The following SEC62 variants were observed in gnomAD, a reference collection of about 807,000 sequenced individuals.
SEC62 encodes SEC62 preprotein translocation factor.
SEC62 carries 10 observed loss-of-function variants against 47.5 expected under a neutral mutation model. The ratio of observed to expected loss-of-function variants is 0.21; its 90% confidence interval spans 0.13 to 0.36. SEC62 has a LOEUF of 0.36. Among genes scored for constraint, SEC62 ranks in the 10% least tolerant of loss-of-function variants. SEC62 has a pLI of 1.00. For synonymous variants in SEC62, 136 were observed against 150.5 expected (o/e 0.90, Z 0.71); for missense variants, 327 against 464.1 (o/e 0.70, Z 2.71).
chr3:169,979,443 C>T (rs1300058957), intron 3 of SEC62, among the ~76,000 whole-genome samples: 1 of 152,174 alleles, frequency 6.6e-6, no homozygotes, highest in East Asian at 1.9e-4. Flanking sequence ...GTGATCTATA[C>T]CTTTTTATGG....
chr3:169,981,627 A>T (rs1427814891), intron 3 of SEC62, among the ~76,000 whole-genome samples: 1 of 152,218 alleles, frequency 6.6e-6, no homozygotes, highest in Non-Finnish European at 1.5e-5. Context: ...TGAGATTTGA[A>T]AAAGTGACTT....
intron 6 of SEC62, among the ~76,000 whole-genome samples, chr3:169,986,800 T>A (rs1213765592): frequency 6.6e-6 from 1 of 152,124 alleles, no homozygotes; most frequent in African/African-American, 2.4e-5. Flanking sequence ...CAATCATGGC[T>A]CACTGCAGCC....
intron 1 of SEC62, among the ~76,000 whole-genome samples, chr3:169,972,477 T>C (rs1038338412): frequency 1.3e-5 from 2 of 152,130 alleles, no homozygotes; most frequent in Non-Finnish European, 2.9e-5. Flanking sequence ...TGCAGTGGCA[T>C]GATCTTGGTT....
intron 4 of SEC62, 88 bp from the exon 5 acceptor site, chr3:169,983,073 A>G (rs1715019867): frequency 3.4e-6 from 5 of 1,452,292 alleles, no homozygotes; most frequent in South Asian, 1.3e-5. Context: ...CTGTGTTACA[A>G]ATAGTCAGTG....
Position 169,992,604 on chromosome 3 carries a change from T to C in SEC62, c.741T>C (p.Ile247=), listed in dbSNP as rs951688598. The change falls in exon 8 of 8, where the codon ATT becomes ATC. Residue 247 remains isoleucine (I), a synonymous_variant. Transcript: ENST00000337002. The surrounding 1 kb of genome is among the most constrained non-coding windows in gnomAD (Gnocchi z 4.0). ...TTTTTCTCCCCACAGCTCGATGCAT[T>C]CTATTTCTCATCATTTGGCTCATAA... ...SILLLAVARC[I]LFLIIWLITG... The C allele has an allele frequency of 8.7e-6, 14 of 1,612,710 alleles. No individual in the cohort carries two copies. Among genetic ancestry groups the C allele is most frequent in the Non-Finnish European group, 1.2e-5 (14 of 1,179,582 alleles).
chr3:169,986,996 T>G (rs1027393562), intron 6 of SEC62, among the ~76,000 whole-genome samples: 1 of 152,036 alleles, frequency 6.6e-6, no homozygotes, highest in Non-Finnish European at 1.5e-5. Flanking sequence ...GGGTTTGATT[T>G]GTTTTTGATT....
At chr3:169,978,890 T>A (rs995301300) in intron 3 of SEC62, among the ~76,000 whole-genome samples, 3 of 152,222 alleles carry the variant, frequency 2.0e-5, no homozygotes, top group Non-Finnish European at 4.4e-5. Flanking sequence ...GATCTAGGGT[T>A]CTACATCTAG....
chr3:169,966,896 G>T (rs1714538332), intron 1 of SEC62, 38 bp downstream of exon 1: 12 of 1,548,794 alleles, frequency 7.7e-6, no homozygotes, highest in East Asian at 2.5e-5. Context: ...GCTTCGGCGC[G>T]CTGGATAGTG....
rs1164971666 is a variant in SEC62, at chr3:169,995,661, A to C, written c.*2598A>C. 6.6e-6 allele frequency: 1 copy of C among 152,126 alleles called. No homozygotes were observed. The highest frequency in any genetic ancestry group is 2.4e-5 in the African/African-American group (1 of 41,410). The allele number at this position is 152,126 out of a possible 1,614,324, so 9.4% of individuals were successfully genotyped here. Reference sequence around the variant, plus strand: ...AATCTATTAGGAACTGGAAAACAGCAAGTATGGTTGATTCTCATTATTCAA... The same window carrying C: ...AATCTATTAGGAACTGGAAAACAGCCAGTATGGTTGATTCTCATTATTCAA... On this transcript the variant is annotated 3_prime_UTR_variant, in exon 8 of 8. Transcript: ENST00000337002.
chr3:169,982,167 C>T (rs762482854), intron 3 of SEC62, among the ~76,000 whole-genome samples: 1 of 151,896 alleles, frequency 6.6e-6, no homozygotes, highest in African/African-American at 2.4e-5. Flanking sequence ...AAAATCTCAC[C>T]TTAGTATATT....
intron 1 of SEC62, chr3:169,968,554 A>G (rs1714613686): frequency 1.3e-5 from 2 of 151,728 alleles, no homozygotes; most frequent in East Asian, 1.9e-4. Context: ...AAAAAGCAAG[A>G]AAAAAGAAAA....
At position 169,992,483 on chromosome 3, in the gene SEC62, G is replaced by T. The variant is rs760205176; in HGVS notation, c.731-111G>T. 3 of 712,694 alleles carry T rather than the reference G, an allele frequency of 4.2e-6. No homozygotes were observed. Among genetic ancestry groups the T allele is most frequent in the African/African-American group, 3.6e-5 (2 of 56,050 alleles). 44.1% of individuals were successfully genotyped at this position (712,694 alleles called of 1,614,324 possible). On this transcript the variant is annotated intron_variant, in intron 7 of 7. Coordinates refer to ENST00000337002, the MANE Select transcript of SEC62 (RefSeq NM_003262.4). This position sits in a 1 kb window ranked among gnomAD's most constrained non-coding sequence, Gnocchi z 4.0. The stretch of plus-strand genomic sequence containing the variant: ...CAGGATTTAAATATTAATATTTAAG[G>T]TGTATGAAATGTGCAGATAATAAAA...
At position 169,982,688 on chromosome 3, in the gene SEC62, A is replaced by C. The variant is rs1375460410; in HGVS notation, c.252-19A>C. 6.2e-7 allele frequency: 1 copy of C among 1,603,576 alleles called. No homozygotes were observed. Among genetic ancestry groups the C allele is most frequent in the Non-Finnish European group, 8.5e-7 (1 of 1,173,316 alleles). ...CTATCTATATGGGGAGTGTAATGCC[A>C]TACCTGTTTTTCCCAAAGGCTTTTA... On this transcript the variant is annotated intron_variant, in intron 3 of 7. Transcript: ENST00000337002.
At chr3:169,988,806 A>G (rs752362793) in intron 7 of SEC62, among the ~76,000 whole-genome samples, 38 of 152,200 alleles carry the variant, frequency 2.5e-4, no homozygotes, top group Admixed American at 1.7e-3. Flanking sequence ...TTTAAAAATT[A>G]GTTATGGCAG....
intron 6 of SEC62, among the ~76,000 whole-genome samples, chr3:169,986,119 C>T (rs565333173): frequency 2.2e-4 from 33 of 152,190 alleles, no homozygotes; most frequent in African/African-American, 7.9e-4. Flanking sequence ...AATGACCAAT[C>T]ATCATGAGTG....
At chr3:169,976,374 G>GAA (rs5854361) in intron 2 of SEC62, among the ~76,000 whole-genome samples, 7 of 149,436 alleles carry the variant, frequency 4.7e-5, no homozygotes, top group Admixed American at 2.7e-4. Context: ...TCTCTTAGAA[G>GAA]AAAAAAAAAA....
intron 2 of SEC62, among the ~76,000 whole-genome samples, chr3:169,976,187 A>G (rs1173179083): frequency 6.6e-6 from 1 of 152,190 alleles, no homozygotes; most frequent in Non-Finnish European, 1.5e-5. Flanking sequence ...GCTTGAGGCC[A>G]GGAGTTCGAG....
rs1244451220 is a variant in SEC62, at chr3:169,992,585, TC to T, written c.731-5del. Reference sequence around the variant, plus strand: ...AATTACTCAATTAGAGAAATTTTTCTCCCCACAGCTCGATGCATTCTATTTC... The same window carrying T: ...AATTACTCAATTAGAGAAATTTTTCTCCCACAGCTCGATGCATTCTATTTC... On this transcript the variant is annotated splice_region_variant and splice_polypyrimidine_tract_variant and intron_variant, in intron 7 of 7. Transcript: ENST00000337002. This position sits in a 1 kb window ranked among gnomAD's most constrained non-coding sequence, Gnocchi z 4.0. 9.4e-6 allele frequency: 15 copies of T among 1,591,564 alleles called. No individual in the cohort carries two copies. The highest frequency in any genetic ancestry group is 1.2e-5 in the Non-Finnish European group (14 of 1,170,336).
At chr3:169,967,478 C>CT (rs1443488707) in intron 1 of SEC62, among the ~76,000 whole-genome samples, 1 of 152,180 alleles carries the variant, frequency 6.6e-6, no homozygotes, top group Non-Finnish European at 1.5e-5. Context: ...AGCTTGCCGG[C>CT]TTTTTTCCGG....
Sources: allele counts gnomAD v4.1 joint callset (sites outside exome capture counted in the v4.1 genomes callset), GRCh38; gene constraint gnomAD v4.1.1; non-coding constraint Gnocchi (gnomAD v3.1); transcripts MANE v1.5; gene names NCBI Gene and HGNC (gene_info 2026-07-23, HGNC 2026-07-21).